The following LYPLAL1 variants were observed in gnomAD, a reference collection of about 807,000 sequenced individuals.
The protein encoded by LYPLAL1 is lysophospholipase like 1.
A neutral mutation model predicts 19.7 loss-of-function variants in LYPLAL1; 23 were observed. The ratio of observed to expected loss-of-function variants is 1.17; its 90% CI spans 0.84 to 1.65. The LOEUF is 1.65. Ranked by LOEUF, LYPLAL1 falls within the 40% of genes most tolerant of loss-of-function variation. The pLI is 0.00. For synonymous variants in LYPLAL1, 119 were observed against 96.3 expected (o/e 1.24, Z -1.38); for missense variants, 355 against 279.4 (o/e 1.27, Z -1.93).
the LYPLAL1 span, among the ~76,000 whole-genome samples, chr1:219,304,145 AT>A: frequency 6.6e-6 from 1 of 152,122 alleles, no homozygotes; most frequent in Non-Finnish European, 1.5e-5. Context: ...CCCATATGAT[AT>A]TTGCCAGATT....
At chr1:219,414,838 G>C in the LYPLAL1 span, among the ~76,000 whole-genome samples, 1 of 152,050 alleles carries the variant, frequency 6.6e-6, no homozygotes, top group Non-Finnish European at 1.5e-5. Context: ...TGAGGGTTCT[G>C]TGCTAGGCAC....
At chr1:219,329,847 C>T in the LYPLAL1 span, among the ~76,000 whole-genome samples, 1 of 152,274 alleles carries the variant, frequency 6.6e-6, no homozygotes, top group East Asian at 1.9e-4. Flanking sequence ...GAACCTGTGG[C>T]GTTCAAGTAG....
the LYPLAL1 span, among the ~76,000 whole-genome samples, chr1:219,425,504 G>T: frequency 6.6e-6 from 1 of 152,164 alleles, no homozygotes; most frequent in Non-Finnish European, 1.5e-5. Context: ...ATATTTTTCT[G>T]TGTGATTGTT....
At chr1:219,405,435 A>G in the LYPLAL1 span, among the ~76,000 whole-genome samples, 1 of 152,238 alleles carries the variant, frequency 6.6e-6, no homozygotes, top group African/African-American at 2.4e-5. Flanking sequence ...TATCTTAGGA[A>G]TAGATGTTTC....
the LYPLAL1 span, among the ~76,000 whole-genome samples, chr1:219,419,548 AACACACACACACACAC>A: frequency 9.6e-3 from 937 of 97,864 alleles, 5 homozygotes; most frequent in Middle Eastern, 0.022. Flanking sequence ...GCCCTAGCCC[AACACACACACACACAC>A]ACACACACAC....
the LYPLAL1 span, among the ~76,000 whole-genome samples, chr1:219,277,407 G>A: frequency 6.6e-6 from 1 of 152,136 alleles, no homozygotes; most frequent in East Asian, 1.9e-4. Flanking sequence ...AGAACAGCCT[G>A]TGCCTAGAAA....
the LYPLAL1 span, among the ~76,000 whole-genome samples, chr1:219,301,241 G>A: frequency 3.3e-5 from 5 of 152,204 alleles, no homozygotes; most frequent in African/African-American, 1.2e-4. Flanking sequence ...AGGCAAAAGA[G>A]ATACAAAATA....
At chr1:219,187,489 A>G (rs1162307365) in intron 2 of LYPLAL1, among the ~76,000 whole-genome samples, 1 of 151,632 alleles carries the variant, frequency 6.6e-6, no homozygotes, top group Non-Finnish European at 1.5e-5. Context: ...CTATATTTAC[A>G]ATTAGAGATT....
At chr1:219,417,131 G>T in the LYPLAL1 span, among the ~76,000 whole-genome samples, 1 of 152,060 alleles carries the variant, frequency 6.6e-6, no homozygotes, top group East Asian at 1.9e-4. Context: ...AAGTTACTGT[G>T]CACAGCCCAC....
the LYPLAL1 span, among the ~76,000 whole-genome samples, chr1:219,257,314 A>G: frequency 6.7e-6 from 1 of 148,832 alleles, no homozygotes; most frequent in East Asian, 2.0e-4. Context: ...GTTAATTGCT[A>G]TAAAATCTAC....
At chr1:219,363,359 G>A in the LYPLAL1 span, among the ~76,000 whole-genome samples, 10 of 152,108 alleles carry the variant, frequency 6.6e-5, no homozygotes, top group Admixed American at 2.6e-4. Flanking sequence ...AACACAGTAC[G>A]TAAAATATTT....
At chr1:219,375,052 T>C in the LYPLAL1 span, among the ~76,000 whole-genome samples, 1 of 152,252 alleles carries the variant, frequency 6.6e-6, no homozygotes. Flanking sequence ...ACAGACCTAC[T>C]ACCATTACAT....
chr1:219,247,286 TAAAGA>T, the LYPLAL1 span, among the ~76,000 whole-genome samples: 1 of 152,168 alleles, frequency 6.6e-6, no homozygotes, highest in Non-Finnish European at 1.5e-5. Flanking sequence ...GAATCCAAAG[TAAAGA>T]AATTTTGTTT....
At chr1:219,304,845 C>T in the LYPLAL1 span, among the ~76,000 whole-genome samples, 23 of 152,258 alleles carry the variant, frequency 1.5e-4, no homozygotes, top group Admixed American at 5.9e-4. Flanking sequence ...GCACAATAAA[C>T]GAGTCGCAGG....
At chr1:219,283,872 A>G in the LYPLAL1 span, among the ~76,000 whole-genome samples, 3 of 152,188 alleles carry the variant, frequency 2.0e-5, no homozygotes, top group African/African-American at 7.2e-5. Flanking sequence ...TGGGTAATGT[A>G]GATGTTCTAT....
the LYPLAL1 span, among the ~76,000 whole-genome samples, chr1:219,250,442 G>T: frequency 7.9e-5 from 12 of 151,870 alleles, no homozygotes; most frequent in Admixed American, 3.9e-4. Flanking sequence ...ATAAGTCTTG[G>T]CATTGTATTT....
chr1:219,187,130 G>A lies in LYPLAL1; in HGVS notation c.192-5952G>A, dbSNP rs918237139. Among the ~76,000 whole-genome samples the A allele has an allele frequency of 3.3e-5, 5 of 151,168 alleles. No individual in the cohort carries two copies. In the South Asian group the frequency reaches 6.2e-4, roughly 19 times the overall value. ...ATTTTGTCTGCATACATTGAAAACT[G>A]TATCAAACAAGGTTATAATTTTTGT... is the stretch of plus-strand genomic sequence containing the variant. On this transcript the variant is annotated intron_variant, in intron 2 of 4. Transcript: ENST00000366928.
At chr1:219,306,795 C>T in the LYPLAL1 span, among the ~76,000 whole-genome samples, 2,714 of 93,874 alleles carry the variant, frequency 0.029, 101 homozygotes, top group East Asian at 0.14. Context: ...GATACATAGA[C>T]AGATGCATAG....
At chr1:219,299,201 T>G in the LYPLAL1 span, among the ~76,000 whole-genome samples, 1 of 151,108 alleles carries the variant, frequency 6.6e-6, no homozygotes, top group African/African-American at 2.4e-5. Context: ...AATTTTATTA[T>G]GCATTACTCA....
Sources: gnomAD v4.1 joint callset for allele counts (sites outside exome capture counted in the v4.1 genomes callset) on GRCh38, gnomAD v4.1.1 for gene constraint, MANE v1.5 for transcripts, NCBI Gene and HGNC (gene_info 2026-07-23, HGNC 2026-07-21) for gene names.